Variants in VAV3 observed in about 807,000 individuals in gnomAD.
VAV3 encodes vav guanine nucleotide exchange factor 3, also known as guanine nucleotide exchange factor VAV3.
A neutral mutation model predicts 131.2 loss-of-function variants in VAV3; 94 were observed. The observed-to-expected ratio is 0.72, with a 90% CI of 0.61 to 0.85. VAV3 has a LOEUF of 0.85. VAV3 is among the 40% of genes least tolerant of loss of function. VAV3 has a pLI of 0.00. For missense variants in VAV3, 939 were observed against 1,002.7 expected (o/e 0.94, Z 0.86); for synonymous variants, 349 against 342.0 (o/e 1.02, Z -0.22).
intron 2 of VAV3, among the ~76,000 whole-genome samples, chr1:107,834,990 C>G (rs1668407769): frequency 6.6e-6 from 1 of 152,124 alleles, no homozygotes; most frequent in Non-Finnish European, 1.5e-5. Context: ...CTGCATGGAA[C>G]CCAGGGGTTT....
chr1:107,781,280 AT>A (rs1665673598), intron 2 of VAV3, among the ~76,000 whole-genome samples: 1 of 152,194 alleles, frequency 6.6e-6, no homozygotes, highest in Non-Finnish European at 1.5e-5. Flanking sequence ...GTAAATGTGA[AT>A]TTTTATTATC....
Position 107,785,487 on chromosome 1 carries a change from G to A in VAV3, c.322-5995C>T, listed in dbSNP as rs550204232. ...AGGTGGGCTCTGCAAGGGCAATCAGGCAGCTGCATGCTAGAGCCCCAAATG... is the reference window on the plus strand; with the variant it reads ...AGGTGGGCTCTGCAAGGGCAATCAGACAGCTGCATGCTAGAGCCCCAAATG... On this transcript the variant is annotated intron_variant, in intron 2 of 26. Coordinates refer to ENST00000370056, the MANE Select transcript of VAV3 (RefSeq NM_006113.5). 1.3e-5 allele frequency: 17 copies of A among 1,322,644 alleles called. No individual in the cohort carries two copies. The East Asian group carries it at 6.8e-4, about 53-fold the overall frequency. The allele number at this position is 1,322,644 out of a possible 1,614,324, so 81.9% of individuals were successfully genotyped here.
intron 2 of VAV3, among the ~76,000 whole-genome samples, chr1:107,833,312 C>T (rs191602437): frequency 4.9e-4 from 74 of 152,282 alleles, no homozygotes; most frequent in African/African-American, 1.2e-3. Context: ...TAAGCCAAAA[C>T]ATAACTCAAG....
intron 20 of VAV3, among the ~76,000 whole-genome samples, chr1:107,630,100 T>C (rs4406661): frequency 0.38 from 58,112 of 151,960 alleles, 11,598 homozygotes; most frequent in East Asian, 0.48. Context: ...TATCTATAGG[T>C]TTAACGCTAG....
chr1:107,640,460 C>A (rs12239371), intron 20 of VAV3, among the ~76,000 whole-genome samples: 1 of 151,924 alleles, frequency 6.6e-6, no homozygotes, highest in Non-Finnish European at 1.5e-5. Flanking sequence ...AGGGTTGTTG[C>A]GCAAGGCGGA....
intron 19 of VAV3, among the ~76,000 whole-genome samples, chr1:107,664,486 G>A (rs148140579): frequency 3.3e-4 from 51 of 152,288 alleles, no homozygotes; most frequent in African/African-American, 1.1e-3. Flanking sequence ...CAAAGTATAA[G>A]AAGCAGCAGC....
intron 2 of VAV3, among the ~76,000 whole-genome samples, chr1:107,853,540 T>G (rs1330272070): frequency 6.6e-6 from 1 of 152,032 alleles, no homozygotes; most frequent in Non-Finnish European, 1.5e-5. Context: ...AGTTCTTGTT[T>G]CTATACTCAG....
chr1:107,606,850 T>C (rs1019302409), intron 22 of VAV3, among the ~76,000 whole-genome samples: 3 of 145,282 alleles, frequency 2.1e-5, no homozygotes, highest in Non-Finnish European at 4.5e-5. Context: ...TTTCCTCAAA[T>C]GTATGGTTAC....
At chr1:107,801,925 G>A (rs6687852) in intron 2 of VAV3, among the ~76,000 whole-genome samples, 5,149 of 151,728 alleles carry the variant, frequency 0.034, 186 homozygotes, top group African/African-American at 0.091. Flanking sequence ...AATTTCTTTC[G>A]TCAGCATTTT....
At chr1:107,680,472 ATTGCT>A (rs1658524384) in intron 19 of VAV3, among the ~76,000 whole-genome samples, 1 of 152,160 alleles carries the variant, frequency 6.6e-6, no homozygotes, top group African/African-American at 2.4e-5. Flanking sequence ...TGATATAGTA[ATTGCT>A]ATACTTAGCA....
chr1:107,926,416 G>A (rs1178081139), intron 1 of VAV3, among the ~76,000 whole-genome samples: 1 of 152,194 alleles, frequency 6.6e-6, no homozygotes, highest in Admixed American at 6.5e-5. Context: ...TACACCAATT[G>A]TCTCCTTCAA....
At chr1:107,827,849 G>C (rs754448536) in intron 2 of VAV3, among the ~76,000 whole-genome samples, 7 of 152,124 alleles carry the variant, frequency 4.6e-5, no homozygotes, top group Non-Finnish European at 7.4e-5. Flanking sequence ...TCAAATGGGA[G>C]CTAAAATATT....
intron 10 of VAV3, among the ~76,000 whole-genome samples, chr1:107,759,427 T>C (rs1004789913): frequency 2.5e-4 from 38 of 152,180 alleles, no homozygotes; most frequent in African/African-American, 8.9e-4. Context: ...TTTCAAATCA[T>C]CAAGCATTTC....
chr1:107,781,401 TCAC>T (rs1665682031), intron 2 of VAV3, among the ~76,000 whole-genome samples: 1 of 152,204 alleles, frequency 6.6e-6, no homozygotes, highest in Non-Finnish European at 1.5e-5. Context: ...TTAAGCGTTC[TCAC>T]CACAATAAAA....
At chr1:107,649,040 A>G (rs1655950905) in intron 19 of VAV3, among the ~76,000 whole-genome samples, 1 of 152,054 alleles carries the variant, frequency 6.6e-6, no homozygotes, top group Admixed American at 6.6e-5. Flanking sequence ...TTCTAAAAAC[A>G]GCCTCAAAAG....
intron 21 of VAV3, 79 bp from the exon 22 acceptor site, chr1:107,610,044 T>C (rs1040132394): frequency 7.2e-7 from 1 of 1,393,326 alleles, no homozygotes; most frequent in East Asian, 2.3e-5. Flanking sequence ...TCAGTTCAGC[T>C]GACTCAGCTC....
intron 25 of VAV3, among the ~76,000 whole-genome samples, chr1:107,579,651 T>C (rs1649896632): frequency 6.6e-6 from 1 of 152,242 alleles, no homozygotes; most frequent in Admixed American, 6.5e-5. Flanking sequence ...GCTTCTGGCT[T>C]TCTTTCTCTT....
At chr1:107,724,429 A>AATAAGTGTT (rs1461669505) in intron 15 of VAV3, among the ~76,000 whole-genome samples, 1 of 152,154 alleles carries the variant, frequency 6.6e-6, no homozygotes, top group African/African-American at 2.4e-5. Flanking sequence ...TCTTTTATTC[A>AATAAGTGTT]ATAAGTGTTT....
chr1:107,619,577 A>G (rs1454943101), intron 20 of VAV3, among the ~76,000 whole-genome samples: 1 of 152,184 alleles, frequency 6.6e-6, no homozygotes, highest in African/African-American at 2.4e-5. Flanking sequence ...AGCTCAGAAG[A>G]GAAAAGAATA....
Sources: allele counts gnomAD v4.1 joint callset (sites outside exome capture counted in the v4.1 genomes callset), GRCh38; gene constraint gnomAD v4.1.1; transcripts MANE v1.5; gene names NCBI Gene and HGNC (gene_info 2026-07-23, HGNC 2026-07-21).